Variants in ZSWIM5 observed in about 807,000 individuals in gnomAD.
ZSWIM5 encodes the protein zinc finger SWIM domain-containing protein 5.
Under a neutral mutation model 119.6 loss-of-function variants are expected in ZSWIM5, and 55 were observed. The ratio of observed to expected loss-of-function variants is 0.46; its 90% CI spans 0.37 to 0.58. ZSWIM5 has a LOEUF of 0.58. Ranked by LOEUF, ZSWIM5 falls within the 20% of genes least tolerant of loss-of-function variation. The pLI is 0.00. For missense variants in ZSWIM5, 1,193 were observed against 1,512.8 expected, an observed-to-expected ratio of 0.79 and a Z score of 3.51; for synonymous variants, 537 against 606.9, an observed-to-expected ratio of 0.88 and a Z score of 1.69.
chr1:45,185,538 TCAAA>T (rs1187975022), intron 1 of ZSWIM5, among the ~76,000 whole-genome samples: 1 of 151,568 alleles, frequency 6.6e-6, no homozygotes, highest in Non-Finnish European at 1.5e-5. Flanking sequence ...TACAAAGAAC[TCAAA>T]CAAATTTACA....
In ZSWIM5 at chr1:45,072,494, C is replaced by T. The variant is rs892796668; in HGVS notation, c.953-12247G>A. ...TGGGTTATTACTCAAGAAATCTTTGCCCAGTCCAGTGTCCTAGAGAGTTTC... is the reference window on the plus strand; with the variant it reads ...TGGGTTATTACTCAAGAAATCTTTGTCCAGTCCAGTGTCCTAGAGAGTTTC... On this transcript the variant is annotated intron_variant, in intron 2 of 13. Coordinates refer to ENST00000359600, the MANE Select transcript of ZSWIM5 (RefSeq NM_020883.2). The surrounding 1 kb of genome is among the most constrained non-coding windows in gnomAD (Gnocchi z 4.1). 6.6e-6 allele frequency among the ~76,000 whole-genome samples: 1 copy of T among 151,932 alleles called. No individual in the cohort carries two copies. Among genetic ancestry groups the T allele is most frequent in the Admixed American group, 6.5e-5 (1 of 15,280 alleles).
chr1:45,186,295 A>C (rs1384587746), intron 1 of ZSWIM5, among the ~76,000 whole-genome samples: 1 of 150,738 alleles, frequency 6.6e-6, no homozygotes, highest in Non-Finnish European at 1.5e-5. Flanking sequence ...AGATATACCT[A>C]ATGCTAAATG....
chr1:45,020,014 T>C, intron 13 of ZSWIM5, 52 bp downstream of exon 13: 11 of 1,476,584 alleles, frequency 7.4e-6, no homozygotes, highest in South Asian at 5.7e-5. Flanking sequence ...GTCCCAAGAG[T>C]AGGGCCTAGA....
At chr1:45,192,778 T>C (rs1450379743) in intron 1 of ZSWIM5, among the ~76,000 whole-genome samples, 1 of 152,170 alleles carries the variant, frequency 6.6e-6, no homozygotes. Flanking sequence ...TTCCAAATGG[T>C]TCCAACTTCT....
intron 4 of ZSWIM5, among the ~76,000 whole-genome samples, chr1:45,054,881 A>C (rs1375646463): frequency 6.6e-6 from 1 of 152,156 alleles, no homozygotes; most frequent in Non-Finnish European, 1.5e-5. Context: ...GCTGGAGTGC[A>C]GTGGCATGAT....
At chr1:45,107,641 C>CAAAAAAAAAAAAAAAAAAAA (rs931372052) in intron 1 of ZSWIM5, among the ~76,000 whole-genome samples, 1 of 68,562 alleles carries the variant, frequency 1.5e-5, no homozygotes. Flanking sequence ...GACTCTGTCT[C>CAAAAAAAAAAAAAAAAAAAA]AAAAAAAAAA....
At chr1:45,145,541 T>C (rs1054497027) in intron 1 of ZSWIM5, among the ~76,000 whole-genome samples, 1 of 152,160 alleles carries the variant, frequency 6.6e-6, no homozygotes, top group Non-Finnish European at 1.5e-5. Context: ...AAAGCCATTA[T>C]GCTGAGTAAA....
At chr1:45,107,259 T>G (rs1645486715) in intron 1 of ZSWIM5, among the ~76,000 whole-genome samples, 2 of 151,980 alleles carry the variant, frequency 1.3e-5, no homozygotes, top group African/African-American at 4.8e-5. Context: ...TTTGGAAACA[T>G]TTCGTGTATA....
In ZSWIM5 at chr1:45,142,194, A is replaced by C. The variant is rs555523611; in HGVS notation, c.596-53957T>G. Among the ~76,000 whole-genome samples, 7 of 152,258 alleles carry C rather than the reference A, an allele frequency of 4.6e-5. No individual in the cohort carries two copies. The South Asian group carries it at 1.5e-3, about 32-fold the overall frequency. ...CCACTGCACTCCAGCCTAGGTGACAAAGTGAGGCCCTGTCTCAAAAAAATT... is the reference window on the plus strand; with the variant it reads ...CCACTGCACTCCAGCCTAGGTGACACAGTGAGGCCCTGTCTCAAAAAAATT... On this transcript the variant is annotated intron_variant, in intron 1 of 13. Transcript: ENST00000359600.
At chr1:45,200,556 T>C (rs1395220281) in intron 1 of ZSWIM5, among the ~76,000 whole-genome samples, 1 of 152,182 alleles carries the variant, frequency 6.6e-6, no homozygotes, top group African/African-American at 2.4e-5. Context: ...AAAGCTGAGT[T>C]ATAAATGGTG....
intron 10 of ZSWIM5, among the ~76,000 whole-genome samples, chr1:45,035,049 A>G (rs1239775902): frequency 2.6e-5 from 4 of 152,070 alleles, no homozygotes; most frequent in African/African-American, 9.7e-5. Context: ...CGGCCTCCCA[A>G]AGTGCTAGGA....
intron 1 of ZSWIM5, among the ~76,000 whole-genome samples, chr1:45,165,933 T>G (rs533626956): frequency 3.8e-4 from 58 of 151,740 alleles, no homozygotes; most frequent in African/African-American, 1.1e-3. Context: ...TTCCAATCAA[T>G]AGAAAAAGAG....
intron 1 of ZSWIM5, among the ~76,000 whole-genome samples, chr1:45,182,945 A>AT (rs1456953615): frequency 6.7e-6 from 1 of 149,358 alleles, no homozygotes; most frequent in Non-Finnish European, 1.5e-5. Flanking sequence ...CAGAATATAC[A>AT]TTTTTTTCAG....
In ZSWIM5 at chr1:45,020,687, T is replaced by G; in HGVS notation, c.2551A>C (p.Thr851Pro). ...KLAQDAFKIA[T>P]PTDSSTDSTL... ...CTGTCAGTACTACTGTCGGTGGGAG[T>G]AGCAATCTTGAATGCATCTTGGGCC... is the stretch of plus-strand genomic sequence containing the variant. The change falls in exon 12 of 14, where the codon ACT (threonine) becomes CCT (proline). Residue 851 changes from threonine (T) to proline (P), a missense_variant. By Grantham distance (38) the Thr-to-Pro change is conservative (BLOSUM62 -1). Coordinates refer to ENST00000359600, the MANE Select transcript of ZSWIM5 (RefSeq NM_020883.2). 2 of 1,613,674 alleles carry G rather than the reference T, an allele frequency of 1.2e-6. No homozygotes were observed. Among genetic ancestry groups the G allele is most frequent in the Non-Finnish European group, 1.7e-6 (2 of 1,179,884 alleles).
rs77942699 is a variant in ZSWIM5 at position 45,054,330 on chromosome 1, C to T, written c.1253-3077G>A. 0.025 allele frequency among the ~76,000 whole-genome samples: 3,728 copies of T among 152,100 alleles called. 447 individuals carry two copies. The East Asian group carries it at 0.37, about 15-fold the overall frequency. On this transcript the variant is annotated intron_variant, in intron 4 of 13. Transcript: ENST00000359600. ...GGGCGTGGTGGCTCATGTCTATGGT[C>T]CCAGCACTTTGGGAGGCCGAGGCAG...
At chr1:45,062,295 T>G (rs1231569964) in intron 2 of ZSWIM5, among the ~76,000 whole-genome samples, 1 of 152,200 alleles carries the variant, frequency 6.6e-6, no homozygotes, top group Non-Finnish European at 1.5e-5. Context: ...CGTCTCCCTA[T>G]GTCAGAACTC....
intron 1 of ZSWIM5, among the ~76,000 whole-genome samples, chr1:45,093,846 GTT>G (rs11383878): frequency 2.9e-5 from 4 of 137,528 alleles, no homozygotes; most frequent in Admixed American, 7.3e-5. Context: ...GTAGAAGCTT[GTT>G]TTTTTTTTTT....
intron 2 of ZSWIM5, among the ~76,000 whole-genome samples, chr1:45,073,898 G>T (rs534370110): frequency 3.9e-5 from 6 of 151,930 alleles, no homozygotes; most frequent in African/African-American, 1.5e-4. Flanking sequence ...TTATGTTGAG[G>T]TATGTTCCTT....
At chr1:45,044,294 A>T (rs1645034118) in intron 5 of ZSWIM5, among the ~76,000 whole-genome samples, 1 of 151,960 alleles carries the variant, frequency 6.6e-6, no homozygotes, top group East Asian at 1.9e-4. Context: ...CCCAATAAGA[A>T]AAAACTGATG....
Sources: allele counts gnomAD v4.1 joint callset (sites outside exome capture counted in the v4.1 genomes callset), GRCh38; gene constraint gnomAD v4.1.1; non-coding constraint Gnocchi (gnomAD v3.1); transcripts MANE v1.5; gene names NCBI Gene and HGNC (gene_info 2026-07-23, HGNC 2026-07-21).